BST1: variants seen among roughly 807,000 people sequenced by gnomAD.
BST1 encodes ADP-ribosyl cyclase/cyclic ADP-ribose hydrolase 2.
Under a neutral mutation model 40.6 loss-of-function variants are expected in BST1, and 49 were observed. The observed-to-expected ratio is 1.21, with a 90% confidence interval of 0.96 to 1.53. The LOEUF (loss-of-function observed/expected upper bound fraction) is 1.53. Ranked by LOEUF, BST1 falls within the 40% of genes most tolerant of loss-of-function variation. BST1 has a pLI of 0.00. For synonymous variants in BST1, 157 were observed against 159.3 expected, an observed-to-expected ratio of 0.99 and a Z score of 0.11; for missense variants, 423 against 395.9, an observed-to-expected ratio of 1.07 and a Z score of -0.58.
the BST1 span, among the ~76,000 whole-genome samples, chr4:15,759,899 T>G: frequency 9.3e-3 from 1,411 of 152,102 alleles, 45 homozygotes; most frequent in African/African-American, 0.032. Context: ...CCAGAAACCA[T>G]AAACCCTATG....
chr4:15,766,549 A>G, the BST1 span, among the ~76,000 whole-genome samples: 1 of 151,940 alleles, frequency 6.6e-6, no homozygotes, highest in African/African-American at 2.4e-5. Flanking sequence ...TTAAAAATAC[A>G]GAAAGAGTAG....
the BST1 span, among the ~76,000 whole-genome samples, chr4:15,746,917 G>T: frequency 6.6e-6 from 1 of 152,124 alleles, no homozygotes; most frequent in South Asian, 2.1e-4. Context: ...ATTGTGTTTT[G>T]GGTCTTGTAG....
At chr4:15,759,034 T>C in the BST1 span, among the ~76,000 whole-genome samples, 1 of 151,930 alleles carries the variant, frequency 6.6e-6, no homozygotes, top group Non-Finnish European at 1.5e-5. Flanking sequence ...CAAGTCCCAT[T>C]TCCACCACAC....
downstream of BST1, chr4:15,736,107 C>T: frequency 7.8e-7 from 1 of 1,288,974 alleles, no homozygotes; most frequent in South Asian, 1.2e-5. Flanking sequence ...AACCATACAA[C>T]CGCCGGTTCT....
intron 2 of BST1, among the ~76,000 whole-genome samples, chr4:15,706,151 A>G (rs1364976783): frequency 6.6e-6 from 1 of 152,242 alleles, no homozygotes; most frequent in Non-Finnish European, 1.5e-5. Context: ...ATAGGGGATT[A>G]CAATTTTACA....
At chr4:15,709,756 T>C (rs1720083395) in intron 3 of BST1, among the ~76,000 whole-genome samples, 1 of 152,066 alleles carries the variant, frequency 6.6e-6, no homozygotes, top group African/African-American at 2.4e-5. Context: ...GCAGCAATGG[T>C]GATGGGGTTT....
At chr4:15,750,285 A>G in the BST1 span, among the ~76,000 whole-genome samples, 1 of 152,144 alleles carries the variant, frequency 6.6e-6, no homozygotes, top group Non-Finnish European at 1.5e-5. Context: ...TCAGCCTCTC[A>G]AAGTGCTGGG....
At chr4:15,709,351 A>G (rs1720057335) in intron 3 of BST1, among the ~76,000 whole-genome samples, 1 of 152,202 alleles carries the variant, frequency 6.6e-6, no homozygotes. Flanking sequence ...GACAGTGGGC[A>G]AAGAGGAAAG....
chr4:15,710,773 T>C (rs1438145574), intron 3 of BST1, among the ~76,000 whole-genome samples: 1 of 152,150 alleles, frequency 6.6e-6, no homozygotes, highest in Admixed American at 6.5e-5. Flanking sequence ...TATTGCATTA[T>C]GCATACATGC....
At chr4:15,772,013 C>G in the BST1 span, among the ~76,000 whole-genome samples, 1 of 151,664 alleles carries the variant, frequency 6.6e-6, no homozygotes, top group African/African-American at 2.4e-5. Flanking sequence ...GAAGGTCTCT[C>G]TCTCTCTCTC....
Position 15,705,518 on chromosome 4 carries a change from C to A in BST1, c.192C>A (p.Asn64Lys), listed in dbSNP as rs778895926. The change falls in exon 2 of 9, where the codon AAC (asparagine) becomes AAA (lysine). Residue 64 changes from asparagine to lysine, a missense_variant. Transcript: ENST00000265016. ...CCCAACTTGTACTTTTGCACAGGAA[C>A]AAGAACTGCACAGCCATCTGGGAAG... The part of the protein sequence containing the change: ...YRALLSPEQR[N>K]KNCTAIWEAF... The A allele has an allele frequency of 1.9e-6, 3 of 1,577,364 alleles. No individual in the cohort carries two copies. In the South Asian group the frequency reaches 3.5e-5, roughly 19 times the overall value.
intron 1 of BST1, among the ~76,000 whole-genome samples, chr4:15,703,706 C>G (rs1719689657): frequency 9.1e-6 from 1 of 109,328 alleles, no homozygotes; most frequent in African/African-American, 3.7e-5. Context: ...TGTGTGTGCT[C>G]TAGAGGTGGG....
chr4:15,731,745 C>A lies in BST1; in HGVS notation c.857C>A (p.Ala286Glu). The change falls in exon 9 of 9, where the codon GCA (alanine) becomes GAA (glutamate). Residue 286 changes from alanine (A) to glutamate (E), a missense_variant. Transcript: ENST00000265016. ...ATTTCCTTGTTAATTTGCAGGGCAG[C>A]AGCCGCTACTCAAAGAAAAGCCCCA... ...THPDCALKSA[A>E]AATQRKAPSL... 3 of 1,612,018 alleles carry A rather than the reference C, an allele frequency of 1.9e-6. No homozygotes were observed. Among genetic ancestry groups the A allele is most frequent in the Non-Finnish European group, 1.7e-6 (2 of 1,179,080 alleles).
intron 6 of BST1, among the ~76,000 whole-genome samples, chr4:15,717,196 A>C (rs1449073248): frequency 6.6e-6 from 1 of 152,162 alleles, no homozygotes; most frequent in African/African-American, 2.4e-5. Flanking sequence ...CGAGTAAGGC[A>C]TTTTCCCGGG....
At chr4:15,773,071 G>A in the BST1 span, among the ~76,000 whole-genome samples, 1 of 152,366 alleles carries the variant, frequency 6.6e-6, no homozygotes, top group East Asian at 1.9e-4. Flanking sequence ...ATACATGGAG[G>A]AAGGCGGAAA....
the BST1 span, among the ~76,000 whole-genome samples, chr4:15,747,195 C>T: frequency 6.6e-6 from 1 of 152,176 alleles, no homozygotes; most frequent in Admixed American, 6.5e-5. Context: ...ATTTGGCTCT[C>T]TTGCTCCTGA....
chr4:15,735,197 C>T (rs1394425431), downstream of BST1, among the ~76,000 whole-genome samples: 1 of 152,192 alleles, frequency 6.6e-6, no homozygotes, highest in Non-Finnish European at 1.5e-5. Flanking sequence ...ATCACCTCCT[C>T]CCTGGATCCT....
At chr4:15,741,217 G>T (rs1279657027), downstream of BST1, among the ~76,000 whole-genome samples, 1 of 152,122 alleles carries the variant, frequency 6.6e-6, no homozygotes, top group Non-Finnish European at 1.5e-5. Context: ...AGCTGGATTG[G>T]CAGGCTTCCC....
chr4:15,711,907 T>C lies in BST1; in HGVS notation c.534+18T>C, dbSNP rs1301582845. 6.2e-6 allele frequency: 10 copies of C among 1,605,076 alleles called. No individual in the cohort carries two copies. The highest frequency in any genetic ancestry group is 1.6e-4 in the Middle Eastern group (1 of 6,072). On this transcript the variant is annotated intron_variant, in intron 4 of 8. Coordinates refer to ENST00000265016, the MANE Select transcript of BST1 (RefSeq NM_004334.3). Reference sequence around the variant, plus strand: ...CCATCCAGGTAATGCTGGGATGATATCTGAGTGGTTGAGCATGTGTGGGAC... The same window carrying C: ...CCATCCAGGTAATGCTGGGATGATACCTGAGTGGTTGAGCATGTGTGGGAC...
Sources: allele counts gnomAD v4.1 joint callset (sites outside exome capture counted in the v4.1 genomes callset), GRCh38; gene constraint gnomAD v4.1.1; transcripts MANE v1.5; gene names NCBI Gene and HGNC (gene_info 2026-07-23, HGNC 2026-07-21).